Variants in APOB observed in about 807,000 individuals in gnomAD.
The protein encoded by APOB is apolipoprotein B-100.
Under a neutral mutation model 314.1 loss-of-function variants are expected in APOB, and 153 were observed. The ratio of observed to expected loss-of-function variants is 0.49; its 90% CI spans 0.43 to 0.56. The LOEUF (loss-of-function observed/expected upper bound fraction) is 0.56. Among genes scored for constraint, APOB ranks in the 20% least tolerant of loss-of-function variants. The probability of loss-of-function intolerance (pLI) is 0.00; values close to 1 mark genes in which losing one functional copy is unlikely to be tolerated. For synonymous variants in APOB, 2,087 were observed against 2,036.4 expected (o/e 1.02, Z -0.67); for missense variants, 5,430 against 5,350.7 (o/e 1.01, Z -0.46).
chr2:21,026,544 A>G lies in APOB; in HGVS notation c.2244+244T>C, dbSNP rs548617467. Among the ~76,000 whole-genome samples, 93 of 151,868 alleles carry G rather than the reference A, an allele frequency of 6.1e-4. 4 individuals carry two copies. In the South Asian group the frequency reaches 0.019, roughly 32 times the overall value. Reference sequence around the variant, plus strand: ...ATTACAGGCATGAACCACCACACCCAGCCCAGAGTTCATACTCTTGTTATC... The same window carrying G: ...ATTACAGGCATGAACCACCACACCCGGCCCAGAGTTCATACTCTTGTTATC... On this transcript the variant is annotated intron_variant, in intron 15 of 28. Coordinates refer to ENST00000233242, the MANE Select transcript of APOB (RefSeq NM_000384.3).
chr2:21,024,617 A>G (rs940811366), intron 16 of APOB: 1 of 517,624 alleles, frequency 1.9e-6, no homozygotes, highest in African/African-American at 2.0e-5. Flanking sequence ...ATCTCAAAAA[A>G]TTAAAAAAAT....
chr2:21,012,569 C>T lies in APOB; in HGVS notation c.4299G>A (p.Ser1433=), dbSNP rs376103623. 1.5e-4 allele frequency: 240 copies of T among 1,613,922 alleles called. 2 individuals carry two copies. The South Asian group carries it at 1.6e-3, about 10-fold the overall frequency. Residue 1433 remains serine (S), a synonymous_variant, in exon 26 of 29, where the codon TCG becomes TCA. Transcript: ENST00000233242. ...TTTCTACATGACTGAATTTGATATT[C>T]GAATCTAGAAATTTGTGGCGTAGAG... ...DGSLRHKFLD[S]NIKFSHVEKL...
rs1321040942 is a variant in APOB at position 21,022,987 on chromosome 2, A to G, written c.2660T>C (p.Met887Thr). The stretch of plus-strand genomic sequence containing the variant: ...AGCGAAGTCCGGAATGATGATGCCC[A>G]TATTTGTCACAAACTCCACAGACAC... ...PSVSVEFVTN[M>T]GIIIPDFARS... The change falls in exon 18 of 29, where the codon ATG becomes ACG. Residue 887 changes from methionine to threonine, a missense_variant. Physicochemically the swap from Met to Thr is moderately conservative, Grantham distance 81. Transcript: ENST00000233242. The G allele has an allele frequency of 7.4e-6, 12 of 1,614,076 alleles. No individual in the cohort carries two copies. The highest frequency in any genetic ancestry group is 8.5e-6 in the Non-Finnish European group (10 of 1,180,036).
At chr2:21,027,803 A>G in intron 14 of APOB, 25 bp downstream of exon 14, 1 of 1,564,210 alleles carries the variant, frequency 6.4e-7, no homozygotes, top group Non-Finnish European at 8.8e-7. Flanking sequence ...AATGGGCTAG[A>G]GAACCTCAAA....
In APOB at chr2:21,010,914, G is replaced by A. The variant is rs778618250; in HGVS notation, c.5954C>T (p.Thr1985Ile). The part of the protein sequence containing the change: ...AEQTGTWKLK[T>I]QFNNNEYSQD... ...GCTGTATTCATTGTTGTTAAATTGG[G>A]TCTTGAGTTTCCAGGTGCCTGTCTG... The change falls in exon 26 of 29, where the codon ACC (threonine) becomes ATC (isoleucine). Residue 1985 changes from threonine (T) to isoleucine (I), a missense_variant. Coordinates refer to ENST00000233242, the MANE Select transcript of APOB (RefSeq NM_000384.3). 1.2e-5 allele frequency: 20 copies of A among 1,613,964 alleles called. No homozygotes were observed. The South Asian group carries it at 1.9e-4, about 15-fold the overall frequency.
intron 3 of APOB, among the ~76,000 whole-genome samples, chr2:21,041,543 C>T (rs1664132785): frequency 6.6e-6 from 1 of 152,224 alleles, no homozygotes; most frequent in Non-Finnish European, 1.5e-5. Context: ...TAGAGCTTTG[C>T]ATATAGCTGG....
rs1251501652 is a variant in APOB, at chr2:21,006,391, C to T, written c.10477G>A (p.Glu3493Lys). The stretch of plus-strand genomic sequence containing the variant: ...TTGACATCTCCTTTGGTAGATGACT[C>T]AATGGAAAAGTAAGAGGTGAGGCTT... ...LESLTSYFSI[E>K]SSTKGDVKGS... The change falls in exon 26 of 29, where the codon GAG becomes AAG. Residue 3493 changes from glutamate to lysine, a missense_variant. By Grantham distance (56) the Glu-to-Lys change is moderately conservative (BLOSUM62 1). Transcript: ENST00000233242. 27 of 1,613,874 alleles carry T rather than the reference C, an allele frequency of 1.7e-5. No homozygotes were observed. The highest frequency in any genetic ancestry group is 2.3e-5 in the Non-Finnish European group (27 of 1,179,982).
In APOB at chr2:21,028,108, T is replaced by G. The variant is rs1402861292; in HGVS notation, c.1830-43A>C. ...TATTTTGAGCTGACACACCATGTTA[T>G]TATCCTTTGACTCTTGCACCCCAAG... On this transcript the variant is annotated intron_variant, in intron 13 of 28. Coordinates refer to ENST00000233242, the MANE Select transcript of APOB (RefSeq NM_000384.3). 3 of 1,410,486 alleles carry G rather than the reference T, an allele frequency of 2.1e-6. No individual in the cohort carries two copies. The South Asian group carries it at 3.5e-5, about 16-fold the overall frequency. 87.4% of individuals were successfully genotyped at this position (1,410,486 alleles called of 1,614,324 possible).
chr2:21,004,738 G>A (rs1457992028), intron 26 of APOB, 63 bp from the exon 27 acceptor site: 4 of 1,251,568 alleles, frequency 3.2e-6, no homozygotes, highest in Non-Finnish European at 4.7e-6. Context: ...TGTTTTCATT[G>A]TGAAAACTGG....
chr2:21,033,964 C>T (rs896249135), intron 8 of APOB, among the ~76,000 whole-genome samples: 2 of 152,206 alleles, frequency 1.3e-5, no homozygotes, highest in African/African-American at 4.8e-5. Context: ...CATCAGGTTA[C>T]CCTTAGCTTG....
chr2:21,015,513 C>A lies in APOB; in HGVS notation c.3365G>T (p.Gly1122Val), dbSNP rs1366616257. The A allele has an allele frequency of 6.2e-7, 1 of 1,613,810 alleles. No individual in the cohort carries two copies. The highest frequency in any genetic ancestry group is 8.5e-7 in the Non-Finnish European group (1 of 1,180,024). ...CDTKEERKIK[G>V]VISIPRLQAE... ...TTGCAAACGGGGTATGGAAATAACA[C>A]CCTTGATTTTTCTTTCTTCCTTTGT... Residue 1122 changes from glycine to valine, a missense_variant, in exon 22 of 29, where the codon GGT (glycine) becomes GTT (valine). Transcript: ENST00000233242.
chr2:21,017,078 G>A (rs564584416), intron 20 of APOB, among the ~76,000 whole-genome samples: 3 of 151,258 alleles, frequency 2.0e-5, no homozygotes, highest in African/African-American at 7.3e-5. Context: ...GAGAGGAAAA[G>A]GTAGAGAAAC....
chr2:21,013,673 C>G (rs1287530023), intron 24 of APOB, 140 bp from the exon 25 acceptor site: 4 of 1,217,858 alleles, frequency 3.3e-6, no homozygotes, highest in Non-Finnish European at 4.8e-6. Flanking sequence ...ACTCCTATGC[C>G]TGGACCCCTT....
intron 20 of APOB, 103 bp from the exon 21 acceptor site, chr2:21,016,752 A>G (rs570864463): frequency 1.6e-5 from 12 of 763,986 alleles, no homozygotes; most frequent in African/African-American, 1.7e-5. Context: ...TGGGAGGCCA[A>G]GGCGGGCAGA....
Position 21,005,894 on chromosome 2 carries a change from G to T in APOB, c.10974C>A (p.His3658Gln). ...VELSNDQEKA[H>Q]LDIAGSLEGH... ...CTTCTAAGGATCCTGCAATGTCAAG[G>T]TGTGCCTTTTCTTGGTCATTGGAAA... is the stretch of plus-strand genomic sequence containing the variant. The change falls in exon 26 of 29, where the codon CAC (histidine) becomes CAA (glutamine). Residue 3658 changes from histidine to glutamine, a missense_variant. By Grantham distance (24) the His-to-Gln change is conservative. Transcript: ENST00000233242. The T allele has an allele frequency of 4.3e-6, 7 of 1,613,966 alleles. No homozygotes were observed. Among genetic ancestry groups the T allele is most frequent in the Non-Finnish European group, 5.9e-6 (7 of 1,179,956 alleles).
Position 21,026,948 on chromosome 2 carries a change from T to C in APOB, c.2084A>G (p.Lys695Arg). 1 of 1,614,194 alleles carries C rather than the reference T, an allele frequency of 6.2e-7. No individual in the cohort carries two copies. The highest frequency in any genetic ancestry group is 8.5e-7 in the Non-Finnish European group (1 of 1,180,022). The change falls in exon 15 of 29, where the codon AAA (lysine) becomes AGA (arginine). Residue 695 changes from lysine (K) to arginine (R), a missense_variant. Around this residue, in one of 3 missense-constraint regions of APOB, gnomAD observed 2,085 missense variants for 2,079.7 expected, o/e 1.00. Coordinates refer to ENST00000233242, the MANE Select transcript of APOB (RefSeq NM_000384.3). The part of the protein sequence containing the change: ...ADLIEIGLEG[K>R]GFEPTLEALF... ...AGCTTCCAATGTTGGCTCAAAGCCT[T>C]TTCCTTCCAAGCCAATCTGAGAAAG...
Position 21,012,639 on chromosome 2 carries a change from G to T in APOB, c.4229C>A (p.Thr1410Lys). ...GAACGTATTCTTGTGGTCATATGTT[G>T]TTTCTCCAGATCCTAACATAAAAAT... Reference protein sequence around the residue: ...LSYNVQGSGETTYDHKNTFTL... With the variant: ...LSYNVQGSGEKTYDHKNTFTL... Residue 1410 changes from threonine (T) to lysine (K), a missense_variant, in exon 26 of 29, where the codon ACA becomes AAA. Transcript: ENST00000233242. 2.5e-6 allele frequency: 4 copies of T among 1,612,180 alleles called. No individual in the cohort carries two copies. Among genetic ancestry groups the T allele is most frequent in the Non-Finnish European group, 3.4e-6 (4 of 1,179,586 alleles).
chr2:21,001,528 C>T lies in APOB; in HGVS notation c.*202G>A. 1 of 550,410 alleles carries T rather than the reference C, an allele frequency of 1.8e-6. No homozygotes were observed. 34.1% of individuals were successfully genotyped at this position (550,410 alleles called of 1,614,324 possible). Reference sequence around the variant, plus strand: ...TTCTTTAACTTGCAAAAAATGCCATCCTTCTGAGTTCAGAGACCTTCCGAG... The same window carrying T: ...TTCTTTAACTTGCAAAAAATGCCATTCTTCTGAGTTCAGAGACCTTCCGAG... On this transcript the variant is annotated 3_prime_UTR_variant, in exon 29 of 29. Coordinates refer to ENST00000233242, the MANE Select transcript of APOB (RefSeq NM_000384.3).
rs1204256907 is a variant in APOB, at chr2:21,001,574, C to G, written c.*156G>C. On this transcript the variant is annotated 3_prime_UTR_variant, in exon 29 of 29. Coordinates refer to ENST00000233242, the MANE Select transcript of APOB (RefSeq NM_000384.3). Reference sequence around the variant, plus strand: ...CCGAGCCCTGGTGCCAGCTTTGGTGCAGGTCCAGTTCATATGTGCTTCTGC... The same window carrying G: ...CCGAGCCCTGGTGCCAGCTTTGGTGGAGGTCCAGTTCATATGTGCTTCTGC... 2.4e-5 allele frequency: 16 copies of G among 676,670 alleles called. No homozygotes were observed. Among genetic ancestry groups the G allele is most frequent in the Non-Finnish European group, 3.2e-5 (13 of 408,304 alleles). The allele number at this position is 676,670 out of a possible 1,614,324, so 41.9% of individuals were successfully genotyped here.
Sources: gnomAD v4.1 joint callset for allele counts (sites outside exome capture counted in the v4.1 genomes callset) on GRCh38, gnomAD v4.1.1 for gene constraint, gnomAD v4.1.1 regional missense constraint, MANE v1.5 for transcripts, NCBI Gene and HGNC (gene_info 2026-07-23, HGNC 2026-07-21) for gene names.